ZNF160: variants seen among roughly 807,000 people sequenced by gnomAD.
The protein encoded by ZNF160 is KRAB zinc finger protein KR18.
A neutral mutation model predicts 13.1 loss-of-function variants in ZNF160; 9 were observed. The observed-to-expected ratio is 0.69, with a 90% confidence interval of 0.41 to 1.20. The LOEUF is 1.20. Among genes scored for constraint, ZNF160 ranks in the 50% most tolerant of loss-of-function variants. The probability of loss-of-function intolerance (pLI) is 0.01; values close to 1 mark genes in which losing one functional copy is unlikely to be tolerated. For synonymous variants in ZNF160, 293 were observed against 333.2 expected (o/e 0.88, Z 1.31); for missense variants, 838 against 988.0 (o/e 0.85, Z 2.04).
At chr19:53,098,600 T>C (rs796207129) in intron 1 of ZNF160, among the ~76,000 whole-genome samples, 3 of 151,936 alleles carry the variant, frequency 2.0e-5, no homozygotes, top group African/African-American at 7.3e-5. Context: ...AGGCTGCCAT[T>C]GTCCCCTTGT....
intron 3 of ZNF160, among the ~76,000 whole-genome samples, chr19:53,078,120 A>G (rs1390701924): frequency 6.6e-6 from 1 of 152,094 alleles, no homozygotes; most frequent in African/African-American, 2.4e-5. Context: ...GGCACCTGTA[A>G]TCCCAACTAC....
At chr19:53,072,256 C>G (rs1295255152) in intron 5 of ZNF160, among the ~76,000 whole-genome samples, 1 of 152,088 alleles carries the variant, frequency 6.6e-6, no homozygotes, top group Non-Finnish European at 1.5e-5. Flanking sequence ...CATGTGCCAT[C>G]ATGCCTGGCT....
intron 5 of ZNF160, chr19:53,073,453 G>T: frequency 6.3e-7 from 1 of 1,598,374 alleles, no homozygotes; most frequent in South Asian, 1.1e-5. Flanking sequence ...CTTCCATGAG[G>T]TTTGGGGCAG....
At chr19:53,078,145 C>T (rs2084479419) in intron 3 of ZNF160, among the ~76,000 whole-genome samples, 1 of 151,990 alleles carries the variant, frequency 6.6e-6, no homozygotes, top group Non-Finnish European at 1.5e-5. Flanking sequence ...GAGGCTGAGG[C>T]AGAAGAATCG....
At chr19:53,083,058 G>A (rs912322856) in intron 3 of ZNF160, among the ~76,000 whole-genome samples, 10 of 152,174 alleles carry the variant, frequency 6.6e-5, no homozygotes, top group Admixed American at 2.0e-4. Flanking sequence ...ATTGGAAAAG[G>A]GGTTGGAACT....
intron 1 of ZNF160, among the ~76,000 whole-genome samples, chr19:53,097,121 TTGTGACTC>T (rs1465522847): frequency 1.9e-5 from 2 of 103,698 alleles, no homozygotes; most frequent in African/African-American, 4.3e-5. Context: ...CCCAGCTGCC[TTGTGACTC>T]TGTGACTCTG....
chr19:53,096,363 A>C (rs1333811402), intron 1 of ZNF160, among the ~76,000 whole-genome samples: 1 of 151,760 alleles, frequency 6.6e-6, no homozygotes, highest in East Asian at 1.9e-4. Flanking sequence ...AGCAGGACTA[A>C]CTGAGGGGCA....
chr19:53,086,404 CT>C, intron 2 of ZNF160, 83 bp from the exon 3 acceptor site: 1 of 1,221,470 alleles, frequency 8.2e-7, no homozygotes, highest in Non-Finnish European at 1.1e-6. Context: ...TATACATCCC[CT>C]TCATGTGCCA....
Position 53,097,387 on chromosome 19 carries a change from T to TC in ZNF160, c.-353-5668dup, listed in dbSNP as rs923687463. 3.7e-3 allele frequency among the ~76,000 whole-genome samples: 550 copies of TC among 148,616 alleles called. 6 individuals are homozygous for TC. The highest frequency in any genetic ancestry group is 0.013 in the African/African-American group (522 of 39,934). ...AGCCATCTGCGCCTGATTCTTAGGA[T>TC]CCCCGTTGCCCTCTGGACTCAGACA... On this transcript the variant is annotated intron_variant, in intron 1 of 5. Transcript: ENST00000683776.
chr19:53,083,139 C>G (rs535479100), intron 3 of ZNF160, among the ~76,000 whole-genome samples: 1 of 152,172 alleles, frequency 6.6e-6, no homozygotes, highest in Admixed American at 6.5e-5. Flanking sequence ...CTCTCTGAAC[C>G]ATGTGCTTTT....
Position 53,103,062 on chromosome 19 carries a change from G to C in ZNF160, c.-354+203C>G, listed in dbSNP as rs1429269058. 2.0e-5 allele frequency among the ~76,000 whole-genome samples: 3 copies of C among 152,166 alleles called. No individual in the cohort carries two copies. The East Asian group carries it at 5.8e-4, about 29-fold the overall frequency. On this transcript the variant is annotated intron_variant, in intron 1 of 5. Transcript: ENST00000683776. The stretch of plus-strand genomic sequence containing the variant: ...AGGCTGGGAGGCGCCCAGGGCAGGC[G>C]GTGAGGACTTTAAGCGATGCGGGGC...
chr19:53,079,263 T>C (rs923757679), intron 3 of ZNF160, among the ~76,000 whole-genome samples: 62 of 152,048 alleles, frequency 4.1e-4, no homozygotes, highest in African/African-American at 1.4e-3. Flanking sequence ...ATAAAAATGC[T>C]CAACAATTCG....
At chr19:53,074,916 C>A (rs896645341) in intron 4 of ZNF160, 141 bp downstream of exon 4, 29 of 1,110,266 alleles carry the variant, frequency 2.6e-5, no homozygotes, top group Non-Finnish European at 3.7e-5. Context: ...GTCCAGGTTT[C>A]CCATGATTAA....
chr19:53,085,905 C>A (rs2145808367), intron 3 of ZNF160: 1 of 834,914 alleles, frequency 1.2e-6, no homozygotes, highest in Non-Finnish European at 1.9e-6. Context: ...CACCTGACTT[C>A]ATGGGCAGCT....
chr19:53,100,159 A>G (rs183100395), intron 1 of ZNF160, among the ~76,000 whole-genome samples: 1 of 152,232 alleles, frequency 6.6e-6, no homozygotes, highest in South Asian at 2.1e-4. Flanking sequence ...TTTCATGAAC[A>G]CATAAGCTCT....
At chr19:53,102,183 T>C (rs529620681) in intron 1 of ZNF160, among the ~76,000 whole-genome samples, 1 of 152,350 alleles carries the variant, frequency 6.6e-6, no homozygotes, top group African/African-American at 2.4e-5. Flanking sequence ...TGTGGCGTTT[T>C]CTTTCCAATC....
rs772019663 is a variant in ZNF160, at chr19:53,068,220, C to T, written c.2314G>A (p.Val772Ile). 3 of 1,614,128 alleles carry T rather than the reference C, an allele frequency of 1.9e-6. No homozygotes were observed. The highest frequency in any genetic ancestry group is 2.5e-6 in the Non-Finnish European group (3 of 1,180,014). Residue 772 changes from valine (V) to isoleucine (I), a missense_variant, in exon 6 of 6, where the codon GTA (valine) becomes ATA (isoleucine). By Grantham distance (29) the Val-to-Ile change is conservative. Around this residue, in one of 3 missense-constraint regions of ZNF160, gnomAD observed 400 missense variants for 538.9 expected, o/e 0.74. Coordinates refer to ENST00000683776, the MANE Select transcript of ZNF160 (RefSeq NM_001322131.2). ...RCTECGKAFR[V>I]RSSLTTHMAI... The stretch of plus-strand genomic sequence containing the variant: ...ATATGGGTAGTTAGACTTGATCTTA[C>T]CCTAAAGGCTTTCCCACACTCTGTA...
In ZNF160 at chr19:53,074,169, G is replaced by A. The variant is rs116367935; in HGVS notation, c.242C>T (p.Thr81Met). ...GACCACGCCTTTGACACATTCCGGC[G>A]TTCTTGGTTTTCTTGCTATTTTCAC... ...SCVKIARKPR[T>M]PECVKGVVTD... Residue 81 changes from threonine (T) to methionine (M), a missense_variant, in exon 5 of 6, where the codon ACG (threonine) becomes ATG (methionine). Transcript: ENST00000683776. The A allele has an allele frequency of 4.2e-4, 674 of 1,613,872 alleles. 6 individuals carry two copies. In the African/African-American group the frequency reaches 4.8e-3, roughly 11 times the overall value.
At chr19:53,100,814 C>G (rs779030426) in intron 1 of ZNF160, among the ~76,000 whole-genome samples, 2 of 151,268 alleles carry the variant, frequency 1.3e-5, no homozygotes, top group Non-Finnish European at 2.9e-5. Context: ...GAAACCCTAT[C>G]TCTACTAAAA....
Sources: gnomAD v4.1 joint callset for allele counts (sites outside exome capture counted in the v4.1 genomes callset) on GRCh38, gnomAD v4.1.1 for gene constraint, gnomAD v4.1.1 regional missense constraint, MANE v1.5 for transcripts, NCBI Gene and HGNC (gene_info 2026-07-23, HGNC 2026-07-21) for gene names.